PREX2: variants seen among roughly 807,000 people sequenced by gnomAD.
PREX2 encodes the protein phosphatidylinositol-3,4,5-trisphosphate dependent Rac exchange factor 2, also known as phosphatidylinositol 3,4,5-trisphosphate-dependent Rac exchanger 2 protein.
PREX2 carries 107 observed loss-of-function variants against 203.2 expected under a neutral mutation model. The ratio of observed to expected loss-of-function variants is 0.53; its 90% CI spans 0.45 to 0.62. The LOEUF is 0.62. PREX2 is among the 20% of genes least tolerant of loss of function. The pLI is 0.00. For synonymous variants in PREX2, 672 were observed against 663.6 expected, an observed-to-expected ratio of 1.01 and a Z score of -0.19; for missense variants, 1,777 against 1,955.9, an observed-to-expected ratio of 0.91 and a Z score of 1.72.
rs573525316 is a variant in PREX2 at position 68,152,289 on chromosome 8, GAAA to G, written c.4232-5014_4232-5012del. On this transcript the variant is annotated intron_variant, in intron 34 of 39. Coordinates refer to ENST00000288368, the MANE Select transcript of PREX2 (RefSeq NM_024870.4). ...CGACAGAGCGAGACTCCCTCTCAGA[GAAA>G]AAAAAAAAAAAAAAAAAAGATAAAT... Among the ~76,000 whole-genome samples, 148 of 72,916 alleles carry G rather than the reference GAAA, an allele frequency of 2.0e-3. 3 individuals carry two copies. Among genetic ancestry groups the G allele is most frequent in the Admixed American group, 0.012 (60 of 4,894 alleles). 47.8% of individuals were successfully genotyped at this position (72,916 alleles called of 152,430 possible).
chr8:68,053,364 G>T (rs535741783), intron 9 of PREX2, 118 bp downstream of exon 9: 38 of 1,101,896 alleles, frequency 3.4e-5, no homozygotes, highest in African/African-American at 4.8e-5. Flanking sequence ...GATTTATTAG[G>T]TTGGTGCAAA....
rs138634671 is a variant in PREX2 at position 68,173,445 on chromosome 8, C to T, written c.4346+16009C>T. ...TGAAAAATAGTATAATTCTATGAAA[C>T]CTTGCCACCATTGCTTTACTGAGAA... On this transcript the variant is annotated intron_variant, in intron 35 of 39. Coordinates refer to ENST00000288368, the MANE Select transcript of PREX2 (RefSeq NM_024870.4). Among the ~76,000 whole-genome samples the T allele has an allele frequency of 1.3e-3, 191 of 152,212 alleles. 1 individual carries two copies. Among genetic ancestry groups the T allele is most frequent in the African/African-American group, 4.3e-3 (178 of 41,536 alleles).
intron 35 of PREX2, among the ~76,000 whole-genome samples, chr8:68,172,251 C>T (rs903636737): frequency 1.3e-5 from 2 of 152,160 alleles, no homozygotes; most frequent in Admixed American, 1.3e-4. Context: ...TTGTGGATGT[C>T]TTTCCTACAC....
intron 1 of PREX2, among the ~76,000 whole-genome samples, chr8:67,991,477 CG>C (rs1806606464): frequency 1.3e-5 from 2 of 151,992 alleles, no homozygotes; most frequent in Admixed American, 1.3e-4. Flanking sequence ...ACAATCATGG[CG>C]GAAGGTAAAG....
intron 23 of PREX2, chr8:68,105,336 C>T: frequency 8.8e-6 from 12 of 1,367,412 alleles, no homozygotes; most frequent in Non-Finnish European, 1.1e-5. Flanking sequence ...TCAAGAAATG[C>T]TCTTAGCAGA....
chr8:68,151,051 A>G (rs193201281), intron 34 of PREX2, among the ~76,000 whole-genome samples: 26 of 152,170 alleles, frequency 1.7e-4, no homozygotes, highest in Admixed American at 1.7e-3. Context: ...AGGGGCACCA[A>G]TCATTGGATT....
chr8:67,968,484 A>G (rs1226172519), intron 1 of PREX2, among the ~76,000 whole-genome samples: 1 of 152,226 alleles, frequency 6.6e-6, no homozygotes. Context: ...TACCAACTTC[A>G]GAATAGGAAT....
At chr8:68,208,876 C>A (rs1812694249) in intron 37 of PREX2, among the ~76,000 whole-genome samples, 1 of 151,688 alleles carries the variant, frequency 6.6e-6, no homozygotes, top group Non-Finnish European at 1.5e-5. Flanking sequence ...ATCACTTGAG[C>A]CCAGGAGTTT....
intron 39 of PREX2, among the ~76,000 whole-genome samples, chr8:68,226,501 A>G (rs1164554699): frequency 6.6e-6 from 1 of 152,168 alleles, no homozygotes; most frequent in East Asian, 1.9e-4. Flanking sequence ...AGCTGGGATA[A>G]TATTTCTGGA....
intron 4 of PREX2, 113 bp from the exon 5 acceptor site, chr8:68,027,109 G>T (rs1015405985): frequency 5.4e-6 from 4 of 741,508 alleles, no homozygotes; most frequent in African/African-American, 5.3e-5. Flanking sequence ...CTTAGAGAAA[G>T]AAAGTATATG....
intron 34 of PREX2, among the ~76,000 whole-genome samples, chr8:68,154,922 G>A (rs1455494900): frequency 6.6e-6 from 1 of 152,138 alleles, no homozygotes; most frequent in Non-Finnish European, 1.5e-5. Context: ...ATGTTTATTA[G>A]GGAGAATGAA....
rs141243864 is a variant in PREX2, at chr8:68,005,134, G to T, written c.142-12712G>T. On this transcript the variant is annotated intron_variant, in intron 1 of 39. Transcript: ENST00000288368. ...TTCCTTCAACCCTGTCCTCCCCAGG[G>T]TCTCTCCCATACCGGTAAATGCACT... Among the ~76,000 whole-genome samples the T allele has an allele frequency of 8.7e-4, 133 of 152,224 alleles. 1 individual carries two copies. The highest frequency in any genetic ancestry group is 1.6e-3 in the Non-Finnish European group (110 of 68,012).
intron 39 of PREX2, among the ~76,000 whole-genome samples, chr8:68,228,309 G>A (rs377093214): frequency 2.6e-5 from 4 of 152,066 alleles, no homozygotes; most frequent in South Asian, 2.1e-4. Context: ...CCAGGAGGGG[G>A]CATTCTATGG....
intron 19 of PREX2, among the ~76,000 whole-genome samples, chr8:68,088,296 C>T (rs1182961415): frequency 1.3e-5 from 2 of 152,070 alleles, no homozygotes; most frequent in Non-Finnish European, 2.9e-5. Context: ...TATGTTTACA[C>T]TTATTCTTTT....
intron 3 of PREX2, among the ~76,000 whole-genome samples, chr8:68,020,106 C>T (rs1807524809): frequency 6.8e-6 from 1 of 147,314 alleles, no homozygotes; most frequent in African/African-American, 2.6e-5. Context: ...TGAATAAACC[C>T]AGTAGCAGGA....
chr8:68,059,364 T>A (rs999915670), intron 10 of PREX2, among the ~76,000 whole-genome samples: 2 of 152,192 alleles, frequency 1.3e-5, no homozygotes, highest in African/African-American at 2.4e-5. Flanking sequence ...TTATCTATGA[T>A]GCCTGGGGCT....
Position 68,030,641 on chromosome 8 carries a change from C to G in PREX2, c.688C>G (p.His230Asp). The G allele has an allele frequency of 6.2e-7, 1 of 1,613,526 alleles. No homozygotes were observed. Among genetic ancestry groups the G allele is most frequent in the Non-Finnish European group, 8.5e-7 (1 of 1,179,570 alleles). ...AGAAGTTTTAGAGGAATGGCAGTCT[C>G]ACATTGAAGGCTGGGAGGTACATTC... is the stretch of plus-strand genomic sequence containing the variant. ...KLEVLEEWQS[H>D]IEGWEGSNIT... Residue 230 changes from histidine (H) to aspartate (D), a missense_variant, in exon 6 of 40, where the codon CAC becomes GAC. By Grantham distance (81) the His-to-Asp change is moderately conservative (BLOSUM62 -1). Transcript: ENST00000288368.
chr8:68,020,566 A>G (rs1040770861), intron 3 of PREX2, among the ~76,000 whole-genome samples: 13 of 152,216 alleles, frequency 8.5e-5, no homozygotes, highest in African/African-American at 3.1e-4. Context: ...TTATGTAGTG[A>G]GCAGACTCTG....
At chr8:67,985,547 T>C (rs1424508997) in intron 1 of PREX2, among the ~76,000 whole-genome samples, 2 of 152,192 alleles carry the variant, frequency 1.3e-5, no homozygotes, top group Non-Finnish European at 2.9e-5. Flanking sequence ...GTGAGTGTGA[T>C]GATTTACCGT....
Sources: allele counts gnomAD v4.1 joint callset (sites outside exome capture counted in the v4.1 genomes callset), GRCh38; gene constraint gnomAD v4.1.1; transcripts MANE v1.5; gene names NCBI Gene and HGNC (gene_info 2026-07-23, HGNC 2026-07-21).